NPY2R: variants seen among roughly 807,000 people sequenced by gnomAD.
NPY2R encodes the protein neuropeptide Y receptor Y2.
Under a neutral mutation model 22.3 loss-of-function variants are expected in NPY2R, and 17 were observed. The observed-to-expected ratio is 0.76, with a 90% CI of 0.52 to 1.14. The LOEUF is 1.14. Ranked by LOEUF, NPY2R falls within the 50% of genes most tolerant of loss-of-function variation. The pLI is 0.00. For synonymous variants in NPY2R, 209 were observed against 183.4 expected (o/e 1.14, Z -1.13); for missense variants, 424 against 467.9 (o/e 0.91, Z 0.87).
the NPY2R span, among the ~76,000 whole-genome samples, chr4:155,198,077 C>T: frequency 5.9e-5 from 9 of 152,088 alleles, no homozygotes; most frequent in East Asian, 9.7e-4. Flanking sequence ...CAATTTCATA[C>T]TGACCCTGTG....
the NPY2R span, among the ~76,000 whole-genome samples, chr4:155,180,625 T>C: frequency 6.6e-6 from 1 of 152,064 alleles, no homozygotes; most frequent in Non-Finnish European, 1.5e-5. Flanking sequence ...CAGGGAAAAA[T>C]TGAGGTTTCC....
At chr4:155,192,416 A>G in the NPY2R span, among the ~76,000 whole-genome samples, 1 of 151,910 alleles carries the variant, frequency 6.6e-6, no homozygotes, top group Non-Finnish European at 1.5e-5. Flanking sequence ...AAAAAGGCCT[A>G]GTAGCTTGCT....
chr4:155,201,075 A>C, the NPY2R span, among the ~76,000 whole-genome samples: 3 of 152,168 alleles, frequency 2.0e-5, no homozygotes, highest in Non-Finnish European at 2.9e-5. Context: ...TATATACTGC[A>C]AGGCAAAGGG....
At chr4:155,188,525 C>T in the NPY2R span, among the ~76,000 whole-genome samples, 2 of 152,136 alleles carry the variant, frequency 1.3e-5, no homozygotes, top group Non-Finnish European at 2.9e-5. Flanking sequence ...TGCTTCAAAA[C>T]AGTCAAAAGC....
In NPY2R at chr4:155,209,970, C is replaced by T. The variant is rs542223280; in HGVS notation, c.-49+901C>T. Among the ~76,000 whole-genome samples, 5 of 152,230 alleles carry T rather than the reference C, an allele frequency of 3.3e-5. No homozygotes were observed. In the South Asian group the frequency reaches 8.3e-4, roughly 25 times the overall value. On this transcript the variant is annotated intron_variant, in intron 1 of 1. Transcript: ENST00000329476. ...GGCTGCTGGGGGAAGTCCTGAAACTCTTTTCCTATTCTGCAAAGAAATGTT... is the reference window on the plus strand; with the variant it reads ...GGCTGCTGGGGGAAGTCCTGAAACTTTTTTCCTATTCTGCAAAGAAATGTT...
the NPY2R span, among the ~76,000 whole-genome samples, chr4:155,203,340 C>T: frequency 4.6e-5 from 7 of 152,090 alleles, no homozygotes; most frequent in African/African-American, 1.4e-4. Context: ...GTGAAGTTCA[C>T]GATTTGATGA....
At chr4:155,185,044 AT>A in the NPY2R span, among the ~76,000 whole-genome samples, 5 of 140,622 alleles carry the variant, frequency 3.6e-5, no homozygotes, top group East Asian at 2.2e-4. Flanking sequence ...ATATATATAT[AT>A]TTTTTTTTTC....
rs1560765131 is a variant in NPY2R at position 155,214,336 on chromosome 4, G to A, written c.397G>A (p.Ala133Thr). The part of the protein sequence containing the change: ...CHLVPYAQGL[A>T]VQVSTITLTV... The stretch of plus-strand genomic sequence containing the variant: ...CCTGGTGCCCTATGCCCAGGGCCTG[G>A]CAGTACAAGTATCCACAATCACCTT... The change falls in exon 2 of 2, where the codon GCA (alanine) becomes ACA (threonine). Residue 133 changes from alanine (A) to threonine (T), a missense_variant. Transcript: ENST00000329476. The A allele has an allele frequency of 6.2e-7, 1 of 1,614,122 alleles. No homozygotes were observed. Among genetic ancestry groups the A allele is most frequent in the Non-Finnish European group, 8.5e-7 (1 of 1,180,034 alleles).
At chr4:155,176,013 A>G in the NPY2R span, among the ~76,000 whole-genome samples, 4 of 152,172 alleles carry the variant, frequency 2.6e-5, no homozygotes, top group Non-Finnish European at 5.9e-5. Flanking sequence ...TGAAATGTAC[A>G]TCTGTCTCAT....
the NPY2R span, among the ~76,000 whole-genome samples, chr4:155,184,281 T>C: frequency 6.6e-6 from 1 of 152,194 alleles, no homozygotes; most frequent in Non-Finnish European, 1.5e-5. Flanking sequence ...CTACCCTGAT[T>C]GTCTCTACTT....
the NPY2R span, among the ~76,000 whole-genome samples, chr4:155,181,744 G>A: frequency 0.037 from 5,560 of 152,208 alleles, 177 homozygotes; most frequent in Middle Eastern, 0.099. Context: ...CCCTAGAATG[G>A]TGAGAAAGTT....
chr4:155,197,628 A>C, the NPY2R span, among the ~76,000 whole-genome samples: 1 of 152,050 alleles, frequency 6.6e-6, no homozygotes, highest in African/African-American at 2.4e-5. Context: ...AGTGAAAAAA[A>C]ATAGATTCCT....
chr4:155,195,434 A>G, the NPY2R span, among the ~76,000 whole-genome samples: 2 of 152,074 alleles, frequency 1.3e-5, no homozygotes, highest in South Asian at 2.1e-4. Flanking sequence ...GGGAATCTAC[A>G]TTATTGACAG....
At chr4:155,184,740 C>T in the NPY2R span, among the ~76,000 whole-genome samples, 65 of 151,876 alleles carry the variant, frequency 4.3e-4, no homozygotes, top group African/African-American at 1.5e-3. Flanking sequence ...TTGTGCTGCG[C>T]GATAGCCTTT....
At chr4:155,191,372 C>T in the NPY2R span, among the ~76,000 whole-genome samples, 1 of 151,836 alleles carries the variant, frequency 6.6e-6, no homozygotes, top group Non-Finnish European at 1.5e-5. Flanking sequence ...GCAAGCTTTC[C>T]ACCTTACCAC....
At chr4:155,197,484 C>T in the NPY2R span, among the ~76,000 whole-genome samples, 9 of 151,872 alleles carry the variant, frequency 5.9e-5, no homozygotes, top group African/African-American at 2.2e-4. Flanking sequence ...TTCTTCCCTT[C>T]TTTCCTGACT....
chr4:155,192,384 T>C, the NPY2R span, among the ~76,000 whole-genome samples: 2 of 151,850 alleles, frequency 1.3e-5, no homozygotes, highest in African/African-American at 4.8e-5. Context: ...GGTGAGAATA[T>C]ATTAGTGAAG....
At chr4:155,177,287 C>T in the NPY2R span, among the ~76,000 whole-genome samples, 8 of 152,178 alleles carry the variant, frequency 5.3e-5, no homozygotes, top group Non-Finnish European at 4.4e-5. Context: ...TGAAATCAAA[C>T]AAGTTATATG....
At chr4:155,177,702 A>C in the NPY2R span, among the ~76,000 whole-genome samples, 1 of 151,962 alleles carries the variant, frequency 6.6e-6, no homozygotes, top group Non-Finnish European at 1.5e-5. Flanking sequence ...GGGATCCTTC[A>C]AAATCTAGGT....
Sources: allele counts gnomAD v4.1 joint callset (sites outside exome capture counted in the v4.1 genomes callset), GRCh38; gene constraint gnomAD v4.1.1; transcripts MANE v1.5; gene names NCBI Gene and HGNC (gene_info 2026-07-23, HGNC 2026-07-21).